FRMD3: variants seen among roughly 807,000 people sequenced by gnomAD.
FRMD3 encodes the protein FERM domain-containing protein 3.
Under a neutral mutation model 70.2 loss-of-function variants are expected in FRMD3, and 33 were observed. That is an observed-to-expected ratio of 0.47 (90% CI 0.36 to 0.63). The LOEUF (loss-of-function observed/expected upper bound fraction) is 0.63. Among genes scored for constraint, FRMD3 ranks in the 20% least tolerant of loss-of-function variants. The pLI is 0.00. For missense variants in FRMD3, 632 were observed against 711.4 expected (o/e 0.89, Z 1.27); for synonymous variants, 279 against 255.9 (o/e 1.09, Z -0.86).
the FRMD3 span, among the ~76,000 whole-genome samples, chr9:83,568,995 G>C: frequency 8.3e-6 from 1 of 120,110 alleles, no homozygotes; most frequent in Non-Finnish European, 1.8e-5. Context: ...TACATACATA[G>C]AGGTAATAAT....
chr9:83,445,423 G>C (rs1022589489), intron 1 of FRMD3, among the ~76,000 whole-genome samples: 33 of 152,150 alleles, frequency 2.2e-4, no homozygotes, highest in African/African-American at 8.0e-4. Context: ...AGCCACACCA[G>C]AGGCATGCCA....
At chr9:83,343,356 T>C (rs1401122945) in intron 4 of FRMD3, 69 bp from the exon 5 acceptor site, 39 of 1,059,766 alleles carry the variant, frequency 3.7e-5, no homozygotes, top group Middle Eastern at 2.0e-4. Context: ...GGATTGTTCA[T>C]GCTTAGCTCC....
intron 6 of FRMD3, among the ~76,000 whole-genome samples, chr9:83,324,881 T>C (rs150027301): frequency 7.2e-5 from 11 of 152,336 alleles, no homozygotes; most frequent in South Asian, 4.1e-4. Flanking sequence ...CAAGCTGACC[T>C]GGTTCTAAAG....
At chr9:83,517,418 C>T (rs1293731747) in intron 1 of FRMD3, among the ~76,000 whole-genome samples, 1 of 144,122 alleles carries the variant, frequency 6.9e-6, no homozygotes, top group Non-Finnish European at 1.5e-5. Context: ...CAAGACTAAA[C>T]CAGGAAGAAG....
At chr9:83,423,851 C>T (rs4634740) in intron 1 of FRMD3, among the ~76,000 whole-genome samples, 43,450 of 151,838 alleles carry the variant, frequency 0.29, 6,342 homozygotes, top group African/African-American at 0.31. Context: ...TTGCCGCTGC[C>T]TCCCAAAGTG....
chr9:83,555,144 A>C, the FRMD3 span, among the ~76,000 whole-genome samples: 16 of 152,214 alleles, frequency 1.1e-4, no homozygotes, highest in Non-Finnish European at 5.9e-5. Flanking sequence ...GTTTTGGTAG[A>C]GTACCTGTGC....
chr9:83,291,171 C>T (rs1287914597), intron 12 of FRMD3, among the ~76,000 whole-genome samples: 1 of 152,216 alleles, frequency 6.6e-6, no homozygotes, highest in East Asian at 1.9e-4. Flanking sequence ...AGATGTTCTA[C>T]AGCTATAAGC....
intron 1 of FRMD3, among the ~76,000 whole-genome samples, chr9:83,479,666 AGG>A (rs1393625782): frequency 3.4e-4 from 20 of 59,326 alleles, no homozygotes; most frequent in East Asian, 9.8e-4. Context: ...GAAGGAAGGA[AGG>A]AAGGAAAGAA....
In FRMD3 at chr9:83,290,605, T is replaced by C; in HGVS notation, c.1193A>G (p.Glu398Gly). The change falls in exon 13 of 14, where the codon GAG becomes GGG. Residue 398 changes from glutamate to glycine, a missense_variant and splice_region_variant. Coordinates refer to ENST00000304195, the MANE Select transcript of FRMD3 (RefSeq NM_174938.6). ...SEQEEELPLG[E>G]GVPLPKEENI... is the part of the protein sequence containing the mutation. ...TTGGGATGAAGAGACAGACTTACCC[T>C]CACCCAGAGGAAGTTCTTCTTCTTG... The C allele has an allele frequency of 6.2e-7, 1 of 1,614,040 alleles. No individual in the cohort carries two copies. The highest frequency in any genetic ancestry group is 8.5e-7 in the Non-Finnish European group (1 of 1,179,968).
chr9:83,538,881 C>G (rs755586908), upstream of FRMD3, among the ~76,000 whole-genome samples: 2 of 152,208 alleles, frequency 1.3e-5, no homozygotes, highest in Non-Finnish European at 2.9e-5. This position sits in a 1 kb window ranked among gnomAD's most constrained non-coding sequence, Gnocchi z 4.7. Flanking sequence ...TTGCTGGGCC[C>G]AGGGCGAGTG....
At position 83,299,184 on chromosome 9, in the gene FRMD3, T is replaced by A; in HGVS notation, c.929A>T (p.Tyr310Phe). 6.2e-7 allele frequency: 1 copy of A among 1,609,708 alleles called. No individual in the cohort carries two copies. The highest frequency in any genetic ancestry group is 8.5e-7 in the Non-Finnish European group (1 of 1,177,562). ...CGVENQAFYK[Y>F]AKSSQIKTVS... ...AGTCTTGATCTGACTGGATTTTGCA[T>A]ACCTTTAAGAAAAAGCAAAGCACAG... Residue 310 changes from tyrosine (Y) to phenylalanine (F), a missense_variant and splice_region_variant, in exon 11 of 14, where the codon TAT becomes TTT. This residue lies in a region of FRMD3 where 418 missense variants were observed against 442.1 expected (regional missense o/e 0.95). Coordinates refer to ENST00000304195, the MANE Select transcript of FRMD3 (RefSeq NM_174938.6).
At chr9:83,363,839 T>C (rs141594079) in intron 3 of FRMD3, among the ~76,000 whole-genome samples, 14,605 of 152,092 alleles carry the variant, frequency 0.096, 748 homozygotes, top group East Asian at 0.17. Flanking sequence ...CAGGCGTGAG[T>C]CACTGCGCCC....
chr9:83,275,524 AATC>A (rs1346759376), intron 13 of FRMD3, among the ~76,000 whole-genome samples: 5 of 152,162 alleles, frequency 3.3e-5, no homozygotes, highest in African/African-American at 1.2e-4. Context: ...GGGACAAAAT[AATC>A]TGAAGGGAAA....
At chr9:83,275,860 A>G (rs899248885) in intron 13 of FRMD3, 3 of 152,224 alleles carry the variant, frequency 2.0e-5, no homozygotes, top group Non-Finnish European at 4.4e-5. Context: ...CATAGAGGCC[A>G]GACAGGGAAT....
rs11292389 is a variant in FRMD3, at chr9:83,247,877, CT to C, written c.*40del. ...GGCATTTGCTGAAAAAAAGAAATCA[CT>C]AGCATTGAATATAGCCCTTAGTCAC... On this transcript the variant is annotated 3_prime_UTR_variant, in exon 14 of 14. Coordinates refer to ENST00000304195, the MANE Select transcript of FRMD3 (RefSeq NM_174938.6). 196,339 of 1,593,738 alleles carry C rather than the reference CT, an allele frequency of 0.12. 18,214 individuals are homozygous for C. The highest frequency in any genetic ancestry group is 0.6 in the East Asian group (26,430 of 44,420).
At chr9:83,275,286 G>A (rs552036184) in intron 13 of FRMD3, among the ~76,000 whole-genome samples, 4 of 152,272 alleles carry the variant, frequency 2.6e-5, no homozygotes, top group South Asian at 4.2e-4. Flanking sequence ...TCTCTGCCTT[G>A]TCTCTCTCCA....
upstream of FRMD3, among the ~76,000 whole-genome samples, chr9:83,543,194 A>G (rs1403540483): frequency 2.6e-5 from 4 of 151,820 alleles, no homozygotes; most frequent in African/African-American, 4.8e-5. Flanking sequence ...TCATAACTCA[A>G]AAGATTAAGA....
chr9:83,551,340 G>A, the FRMD3 span, among the ~76,000 whole-genome samples: 1 of 152,288 alleles, frequency 6.6e-6, no homozygotes, highest in East Asian at 1.9e-4. Flanking sequence ...TGATCATGGT[G>A]GATTAGCTTT....
intron 10 of FRMD3, among the ~76,000 whole-genome samples, chr9:83,300,663 A>G (rs1834878342): frequency 6.6e-6 from 1 of 152,206 alleles, no homozygotes; most frequent in African/African-American, 2.4e-5. Context: ...GTAATTGAAA[A>G]CCATTTGTAC....
Sources: gnomAD v4.1 joint callset for allele counts (sites outside exome capture counted in the v4.1 genomes callset) on GRCh38, gnomAD v4.1.1 for gene constraint, gnomAD v4.1.1 regional missense constraint, Gnocchi (gnomAD v3.1) non-coding constraint, MANE v1.5 for transcripts, NCBI Gene and HGNC (gene_info 2026-07-23, HGNC 2026-07-21) for gene names.